CIMIP2A: variants seen among roughly 807,000 people sequenced by gnomAD.
CIMIP2A encodes the protein family with sequence similarity 166 member A.
chr9:137,245,296 C>T, the CIMIP2A span: 2 of 1,581,156 alleles, frequency 1.3e-6, no homozygotes, highest in Non-Finnish European at 1.7e-6. Flanking sequence ...ACTGGTGCAT[C>T]CCCTGGCTGC....
the CIMIP2A span, among the ~76,000 whole-genome samples, chr9:137,254,163 C>G: frequency 3.3e-5 from 5 of 152,354 alleles, no homozygotes; most frequent in African/African-American, 1.2e-4. Flanking sequence ...AGAGCTCAAC[C>G]CCTTCAAAAA....
At chr9:137,252,132 C>T in the CIMIP2A span, 40 of 1,608,202 alleles carry the variant, frequency 2.5e-5, no homozygotes, top group African/African-American at 4.4e-4. Flanking sequence ...GCACCAGGGC[C>T]GAGGTGTGTG....
chr9:137,253,339 CA>C, the CIMIP2A span: 1 of 1,546,792 alleles, frequency 6.5e-7, no homozygotes, highest in Non-Finnish European at 8.7e-7. Flanking sequence ...CTTGGGGCCC[CA>C]GCCTGGCCTT....
the CIMIP2A span, chr9:137,252,135 G>A: frequency 6.2e-7 from 1 of 1,607,720 alleles, no homozygotes; most frequent in Non-Finnish European, 8.5e-7. Flanking sequence ...CCAGGGCCGA[G>A]GTGTGTGTCC....
At chr9:137,253,708 G>C in the CIMIP2A span, among the ~76,000 whole-genome samples, 1 of 152,216 alleles carries the variant, frequency 6.6e-6, no homozygotes. Context: ...TGTCACTCAG[G>C]GGCCTGGTCT....
the CIMIP2A span, among the ~76,000 whole-genome samples, chr9:137,246,204 G>C: frequency 6.6e-6 from 1 of 152,228 alleles, no homozygotes; most frequent in Admixed American, 6.5e-5. Context: ...GGCACAAGAC[G>C]TGTGGGCCAG....
chr9:137,248,444 G>A, the CIMIP2A span, among the ~76,000 whole-genome samples: 5 of 151,744 alleles, frequency 3.3e-5, no homozygotes, highest in Non-Finnish European at 7.4e-5. Flanking sequence ...TCGGGAGGCT[G>A]AGGCAGGAGA....
At chr9:137,248,542 C>CAAAAAA in the CIMIP2A span, among the ~76,000 whole-genome samples, 12 of 109,494 alleles carry the variant, frequency 1.1e-4, no homozygotes, top group African/African-American at 1.8e-4. Flanking sequence ...GACTCTGTCT[C>CAAAAAA]AAAAAAAAAA....
chr9:137,248,084 G>C, the CIMIP2A span, among the ~76,000 whole-genome samples: 1 of 152,248 alleles, frequency 6.6e-6, no homozygotes. Flanking sequence ...CCTCTGACAG[G>C]AGGCCTTGCA....
chr9:137,249,071 T>G, the CIMIP2A span, among the ~76,000 whole-genome samples: 1 of 151,788 alleles, frequency 6.6e-6, no homozygotes, highest in African/African-American at 2.4e-5. Context: ...TTAGCCAGGA[T>G]GGTCTCGAAC....
chr9:137,251,231 C>T, the CIMIP2A span: 6 of 1,177,712 alleles, frequency 5.1e-6, no homozygotes, highest in African/African-American at 1.5e-5. Context: ...GAGGGGCCTA[C>T]CAGTGAGGTC....
chr9:137,253,118 G>A, the CIMIP2A span: 48 of 1,565,770 alleles, frequency 3.1e-5, no homozygotes, highest in Middle Eastern at 1.7e-4. Context: ...TCGGCAGCCC[G>A]AACCCCTGGC....
At chr9:137,247,643 G>A in the CIMIP2A span, 1 of 1,611,550 alleles carries the variant, frequency 6.2e-7, no homozygotes, top group Non-Finnish European at 8.5e-7. Context: ...GCCACCTCCA[G>A]AGCTCCCGGC....
the CIMIP2A span, chr9:137,252,647 C>A: frequency 9.8e-6 from 15 of 1,535,884 alleles, no homozygotes; most frequent in Non-Finnish European, 1.2e-5. Flanking sequence ...CAGCCCGTCT[C>A]CTACCCCCTC....
chr9:137,245,339 T>C, the CIMIP2A span: 2 of 1,599,814 alleles, frequency 1.3e-6, no homozygotes, highest in Non-Finnish European at 1.7e-6. Context: ...CAAACAGGAG[T>C]GGCGCTCTTC....
the CIMIP2A span, chr9:137,244,602 T>C: frequency 1.2e-6 from 2 of 1,608,382 alleles, no homozygotes; most frequent in South Asian, 2.2e-5. Context: ...AGGAAGTGTG[T>C]GTGTGAGCTG....
At chr9:137,251,194 G>C in the CIMIP2A span, 11 of 939,656 alleles carry the variant, frequency 1.2e-5, no homozygotes, top group Non-Finnish European at 1.8e-5. Context: ...GCCAGACAAT[G>C]TGTCTTCCTC....
the CIMIP2A span, chr9:137,244,628 T>G: frequency 2.5e-6 from 4 of 1,613,200 alleles, no homozygotes; most frequent in East Asian, 8.9e-5. Context: ...AGGCCCTGGA[T>G]GGCGCTTTCC....
the CIMIP2A span, chr9:137,244,587 A>G: frequency 3.1e-6 from 5 of 1,598,606 alleles, no homozygotes; most frequent in Admixed American, 3.4e-5. Context: ...GCTGCCAGGC[A>G]GGAGAGGAAG....
Sources: gnomAD v4.1 joint callset for allele counts (sites outside exome capture counted in the v4.1 genomes callset) on GRCh38, gnomAD v4.1.1 for gene constraint, MANE v1.5 for transcripts, NCBI Gene and HGNC (gene_info 2026-07-23, HGNC 2026-07-21) for gene names.